The following NSMCE2 variants were observed in gnomAD, a reference collection of about 807,000 sequenced individuals.
The protein encoded by NSMCE2 is E3 SUMO-protein ligase NSE2.
Under a neutral mutation model 23.8 loss-of-function variants are expected in NSMCE2, and 24 were observed. The observed-to-expected ratio is 1.01, with a 90% CI of 0.73 to 1.42. The LOEUF (loss-of-function observed/expected upper bound fraction) is 1.42, where lower values mean the gene tolerates loss of function less well. Among genes scored for constraint, NSMCE2 ranks in the 40% most tolerant of loss-of-function variants. The pLI, the probability that NSMCE2 is intolerant of heterozygous loss-of-function variation, is 0.00. For synonymous variants in NSMCE2, 92 were observed against 94.1 expected, an observed-to-expected ratio of 0.98 and a Z score of 0.13; for missense variants, 284 against 296.5, an observed-to-expected ratio of 0.96 and a Z score of 0.31.
Position 125,217,735 on chromosome 8 carries a change from G to A in NSMCE2, c.418+35479G>A, listed in dbSNP as rs559293907. On this transcript the variant is annotated intron_variant, in intron 5 of 7. Coordinates refer to ENST00000287437, the MANE Select transcript of NSMCE2 (RefSeq NM_173685.4). ...GTTTGTGTGACTGTCACTGTGCTCA[G>A]TCCTGTTATTACAGCTGTGCTGAGG... Among the ~76,000 whole-genome samples the A allele has an allele frequency of 1.3e-5, 2 of 152,230 alleles. 1 individual carries two copies. The highest frequency in any genetic ancestry group is 4.1e-4 in the South Asian group (2 of 4,830).
chr8:125,333,224 C>G (rs919409510), intron 5 of NSMCE2, among the ~76,000 whole-genome samples: 3 of 151,754 alleles, frequency 2.0e-5, no homozygotes, highest in East Asian at 1.9e-4. Context: ...GGCTGAAATA[C>G]AGTGGCACGA....
chr8:125,263,329 G>A (rs1250928991), intron 5 of NSMCE2, among the ~76,000 whole-genome samples: 1 of 152,126 alleles, frequency 6.6e-6, no homozygotes, highest in Non-Finnish European at 1.5e-5. Context: ...TCTCTTAGAC[G>A]TTGGAATACT....
chr8:125,242,213 C>T (rs1825790983), intron 5 of NSMCE2, among the ~76,000 whole-genome samples: 1 of 151,964 alleles, frequency 6.6e-6, no homozygotes, highest in African/African-American at 2.4e-5. Context: ...GAGGATTGAA[C>T]CTGGCAAACC....
rs144244755 is a variant in NSMCE2, at chr8:125,179,485, ATAGT to A, written c.265-2613_265-2610del. Among the ~76,000 whole-genome samples the A allele has an allele frequency of 1.4e-3, 211 of 152,352 alleles. 3 individuals are homozygous for A. In the East Asian group the frequency reaches 0.034, roughly 24 times the overall value. ...AAACAAAGCAAGAAACCATTAAAAA[ATAGT>A]TAGTGCCCATTTGTTTTATTGATTT... On this transcript the variant is annotated intron_variant, in intron 4 of 7. Transcript: ENST00000287437.
intron 5 of NSMCE2, among the ~76,000 whole-genome samples, chr8:125,283,976 A>AT (rs1827794467): frequency 6.6e-6 from 1 of 151,888 alleles, no homozygotes. Flanking sequence ...ACATGGTGAA[A>AT]CCCCGTCTCT....
chr8:125,159,464 T>G (rs931276001), intron 4 of NSMCE2, among the ~76,000 whole-genome samples: 1 of 152,218 alleles, frequency 6.6e-6, no homozygotes, highest in Non-Finnish European at 1.5e-5. Flanking sequence ...TAACATGCTG[T>G]ACAGGTTTGT....
At chr8:125,136,651 T>C (rs1380613924) in intron 3 of NSMCE2, among the ~76,000 whole-genome samples, 3 of 152,150 alleles carry the variant, frequency 2.0e-5, no homozygotes, top group Non-Finnish European at 4.4e-5. Flanking sequence ...TTCATTATAA[T>C]TGTCATCCAA....
At chr8:125,342,992 C>T (rs190866756) in intron 5 of NSMCE2, among the ~76,000 whole-genome samples, 1 of 151,968 alleles carries the variant, frequency 6.6e-6, no homozygotes, top group East Asian at 1.9e-4. Context: ...TTTTTTTAAA[C>T]GAGTATATTG....
Position 125,200,136 on chromosome 8 carries a change from G to C in NSMCE2, c.418+17880G>C, listed in dbSNP as rs1823799639. Among the ~76,000 whole-genome samples the C allele has an allele frequency of 2.0e-5, 3 of 152,288 alleles. No homozygotes were observed. The South Asian group carries it at 6.2e-4, about 32-fold the overall frequency. ...ACTTGACTCTTTATCCAATTTGCCA[G>C]TCTGTGTCTTTTAATTGGGGCATTT... On this transcript the variant is annotated intron_variant, in intron 5 of 7. Coordinates refer to ENST00000287437, the MANE Select transcript of NSMCE2 (RefSeq NM_173685.4).
At chr8:125,321,220 A>G (rs1829442469) in intron 5 of NSMCE2, among the ~76,000 whole-genome samples, 1 of 152,228 alleles carries the variant, frequency 6.6e-6, no homozygotes, top group Non-Finnish European at 1.5e-5. Flanking sequence ...ACTAAATGAT[A>G]AAGATCATCA....
intron 5 of NSMCE2, among the ~76,000 whole-genome samples, chr8:125,260,636 C>A (rs182012589): frequency 2.0e-5 from 3 of 150,602 alleles, no homozygotes. Flanking sequence ...TATTTATTTT[C>A]TTTTTTGAGA....
intron 5 of NSMCE2, among the ~76,000 whole-genome samples, chr8:125,356,458 A>G (rs186580672): frequency 3.5e-3 from 527 of 150,680 alleles, no homozygotes; most frequent in African/African-American, 0.011. Flanking sequence ...CCTCCCAAAT[A>G]GCTGGGACTA....
At chr8:125,255,253 GCCCTTT>G (rs1237747167) in intron 5 of NSMCE2, among the ~76,000 whole-genome samples, 4 of 152,112 alleles carry the variant, frequency 2.6e-5, no homozygotes, top group African/African-American at 9.7e-5. Flanking sequence ...TCCCCACTGT[GCCCTTT>G]CCAAGTTTGT....
intron 5 of NSMCE2, among the ~76,000 whole-genome samples, chr8:125,228,592 C>T (rs1825196101): frequency 6.6e-6 from 1 of 152,110 alleles, no homozygotes; most frequent in Non-Finnish European, 1.5e-5. Context: ...CAGTACAGGG[C>T]ATTTGAGGCT....
intron 6 of NSMCE2, 36 bp from the exon 7 acceptor site, chr8:125,357,676 A>G: frequency 6.8e-7 from 1 of 1,475,924 alleles, no homozygotes; most frequent in Non-Finnish European, 9.5e-7. Context: ...GTTGATCATT[A>G]TCATTCCTGA....
rs575817796 is a variant in NSMCE2 at position 125,272,275 on chromosome 8, A to G, written c.419-84944A>G. Among the ~76,000 whole-genome samples, 34 of 151,852 alleles carry G rather than the reference A, an allele frequency of 2.2e-4. No individual in the cohort carries two copies. In the East Asian group the frequency reaches 6.2e-3, roughly 28 times the overall value. ...ATGATCCGCCCGCCTCAGCCTCCCA[A>G]AGTGCTGGGATTACAGGCTTGAGCC... is the stretch of plus-strand genomic sequence containing the variant. On this transcript the variant is annotated intron_variant, in intron 5 of 7. Transcript: ENST00000287437.
rs539442065 is a variant in NSMCE2, at chr8:125,294,983, C to A, written c.419-62236C>A. On this transcript the variant is annotated intron_variant, in intron 5 of 7. Transcript: ENST00000287437. ...CACAGCACAGTGAACTTTTTCTCCT[C>A]TGTGATCCATCAGTCTGTGTCTCAT... is the stretch of plus-strand genomic sequence containing the variant. Among the ~76,000 whole-genome samples, 267 of 152,288 alleles carry A rather than the reference C, an allele frequency of 1.8e-3. 1 individual carries two copies. The highest frequency in any genetic ancestry group is 3.4e-3 in the Non-Finnish European group (230 of 68,032).
At chr8:125,349,185 G>GT (rs1812923410) in intron 5 of NSMCE2, among the ~76,000 whole-genome samples, 2 of 152,138 alleles carry the variant, frequency 1.3e-5, no homozygotes, top group African/African-American at 4.8e-5. Context: ...AGGTTACTGA[G>GT]TAGGAGAAAC....
At chr8:125,226,843 C>T (rs1349239508) in intron 5 of NSMCE2, among the ~76,000 whole-genome samples, 1 of 152,088 alleles carries the variant, frequency 6.6e-6, no homozygotes, top group Non-Finnish European at 1.5e-5. Flanking sequence ...GCTATTTCTG[C>T]TTTCTCCCTT....
Sources: gnomAD v4.1 joint callset for allele counts (sites outside exome capture counted in the v4.1 genomes callset) on GRCh38, gnomAD v4.1.1 for gene constraint, MANE v1.5 for transcripts, NCBI Gene and HGNC (gene_info 2026-07-23, HGNC 2026-07-21) for gene names.